The following MTA3 variants were observed in gnomAD, a reference collection of about 807,000 sequenced individuals.
MTA3 encodes the protein metastasis-associated protein MTA3.
Under a neutral mutation model 83.5 loss-of-function variants are expected in MTA3, and 34 were observed. The observed-to-expected ratio is 0.41, with a 90% CI of 0.31 to 0.54. MTA3 has a LOEUF of 0.54. Ranked by LOEUF, MTA3 falls within the 20% of genes least tolerant of loss-of-function variation. MTA3 has a pLI of 0.33. For synonymous variants in MTA3, 303 were observed against 252.7 expected, an observed-to-expected ratio of 1.20 and a Z score of -1.89; for missense variants, 761 against 726.4, an observed-to-expected ratio of 1.05 and a Z score of -0.55.
intron 16 of MTA3, among the ~76,000 whole-genome samples, chr2:42,751,424 C>G (rs1351694308): frequency 6.6e-6 from 1 of 152,218 alleles, no homozygotes; most frequent in Non-Finnish European, 1.5e-5. Flanking sequence ...GGGCTCTCTG[C>G]CTGTGCTACT....
intron 4 of MTA3, among the ~76,000 whole-genome samples, chr2:42,614,651 C>T (rs1481164275): frequency 2.0e-5 from 3 of 151,764 alleles, no homozygotes; most frequent in African/African-American, 7.3e-5. Context: ...ATATATAACT[C>T]GTGTAATATA....
intron 8 of MTA3, among the ~76,000 whole-genome samples, chr2:42,667,650 AG>A (rs1690402302): frequency 6.8e-6 from 1 of 146,778 alleles, no homozygotes; most frequent in Admixed American, 7.0e-5. Flanking sequence ...AGAGAGAGAG[AG>A]AGAGAGTCAG....
At chr2:42,522,132 C>A (rs1399126824) in intron 2 of MTA3, among the ~76,000 whole-genome samples, 2 of 152,160 alleles carry the variant, frequency 1.3e-5, no homozygotes, top group Non-Finnish European at 2.9e-5. Context: ...CTAACCTTTC[C>A]AGTTGTGTGA....
chr2:42,568,650 C>A lies in MTA3; in HGVS notation c.-96C>A. ...CCCCCCCGTGGCGAGGCAGCAGCGA[C>A]GGCGGCGGCGGCAGCGGCGGTCGCG... is the stretch of plus-strand genomic sequence containing the variant. On this transcript the variant is annotated 5_prime_UTR_variant, in exon 1 of 17. Transcript: ENST00000405094. 1 of 894,606 alleles carries A rather than the reference C, an allele frequency of 1.1e-6. No individual in the cohort carries two copies. The allele number at this position is 894,606 out of a possible 1,614,324, so 55.4% of individuals were successfully genotyped here.
At chr2:42,740,219 C>T (rs997669794) in intron 16 of MTA3, among the ~76,000 whole-genome samples, 1 of 152,214 alleles carries the variant, frequency 6.6e-6, no homozygotes, top group Non-Finnish European at 1.5e-5. Flanking sequence ...GAAAGTTAAA[C>T]TTATTCCTTG....
At chr2:42,571,293 G>A (rs996312118) in intron 2 of MTA3, among the ~76,000 whole-genome samples, 1 of 150,070 alleles carries the variant, frequency 6.7e-6, no homozygotes, top group Non-Finnish European at 1.5e-5. Context: ...CAGCTACTCA[G>A]GAGGCTGAGG....
chr2:42,587,174 C>T (rs542719922), intron 3 of MTA3, among the ~76,000 whole-genome samples: 252 of 151,976 alleles, frequency 1.7e-3, no homozygotes, highest in Middle Eastern at 0.01. Context: ...GCCTGGGTGA[C>T]ACAGTGAGAC....
rs776846040 is a variant in MTA3 at position 42,544,552 on chromosome 2, TC to T, written c.-140-25884del. Among the ~76,000 whole-genome samples, 523 of 148,516 alleles carry T rather than the reference TC, an allele frequency of 3.5e-3. 5 individuals are homozygous for T. The highest frequency in any genetic ancestry group is 8.8e-3 in the African/African-American group (355 of 40,358). ...CCAAAAATAACTTTTTTTTTTTTTT[TC>T]TTTGAGACAGGATCTTGCTCTGTCA... On this transcript the variant is annotated intron_variant, in intron 2 of 17. Transcript: ENST00000405592.
chr2:42,596,061 CTT>C (rs1416889128), intron 3 of MTA3, among the ~76,000 whole-genome samples: 1 of 152,132 alleles, frequency 6.6e-6, no homozygotes, highest in Non-Finnish European at 1.5e-5. Flanking sequence ...ATTTGAAAAA[CTT>C]TTTCTTATTT....
At chr2:42,567,165 GTTA>G (rs1302104120), upstream of MTA3, among the ~76,000 whole-genome samples, 1 of 152,156 alleles carries the variant, frequency 6.6e-6, no homozygotes, top group Non-Finnish European at 1.5e-5. Flanking sequence ...AGAGACACCT[GTTA>G]TTTGCATGGT....
chr2:42,639,263 T>A (rs1264203908), intron 4 of MTA3, among the ~76,000 whole-genome samples: 2 of 152,098 alleles, frequency 1.3e-5, no homozygotes, highest in African/African-American at 2.4e-5. Context: ...TGTGATATAT[T>A]TGTTTTTGCA....
intron 6 of MTA3, among the ~76,000 whole-genome samples, chr2:42,649,024 G>T (rs987119336): frequency 1.3e-5 from 2 of 152,108 alleles, no homozygotes; most frequent in Admixed American, 6.5e-5. Context: ...AGCAAATGAG[G>T]TAATTCTTGT....
At chr2:42,549,294 A>G (rs1284957742) in intron 2 of MTA3, among the ~76,000 whole-genome samples, 2 of 120,288 alleles carry the variant, frequency 1.7e-5, no homozygotes, top group African/African-American at 3.2e-5. Context: ...TATATAATGT[A>G]TATGTACACG....
intron 13 of MTA3, 104 bp downstream of exon 13, chr2:42,708,158 C>T: frequency 3.3e-6 from 4 of 1,195,654 alleles, no homozygotes; most frequent in Non-Finnish European, 4.5e-6. Context: ...ATGAAGAAAG[C>T]TACCTTTATA....
At chr2:42,660,279 G>C (rs1047267238) in intron 8 of MTA3, among the ~76,000 whole-genome samples, 5 of 151,894 alleles carry the variant, frequency 3.3e-5, no homozygotes, top group African/African-American at 7.3e-5. Context: ...GGTAGAGACG[G>C]GGTTTCACCA....
intron 2 of MTA3, among the ~76,000 whole-genome samples, chr2:42,548,134 T>G (rs930892908): frequency 1.3e-5 from 2 of 152,162 alleles, no homozygotes; most frequent in African/African-American, 4.8e-5. Flanking sequence ...TATCCGTGGT[T>G]TTGTTTTCTG....
At chr2:42,522,474 T>C (rs184127997) in intron 2 of MTA3, among the ~76,000 whole-genome samples, 12 of 152,084 alleles carry the variant, frequency 7.9e-5, no homozygotes, top group Admixed American at 7.9e-4. Context: ...CTTGACAGAA[T>C]TGGGGGACAC....
intron 16 of MTA3, among the ~76,000 whole-genome samples, chr2:42,747,629 T>A (rs1260540326): frequency 6.6e-6 from 1 of 151,404 alleles, no homozygotes; most frequent in Non-Finnish European, 1.5e-5. Context: ...CCCATAGTGC[T>A]TGTTACACTG....
At chr2:42,566,450 T>G (rs1677913819), upstream of MTA3, among the ~76,000 whole-genome samples, 1 of 152,172 alleles carries the variant, frequency 6.6e-6, no homozygotes, top group Admixed American at 6.5e-5. Flanking sequence ...GACATTGGCC[T>G]AGGAGCTGGA....
Sources: allele counts gnomAD v4.1 joint callset (sites outside exome capture counted in the v4.1 genomes callset), GRCh38; gene constraint gnomAD v4.1.1; transcripts MANE v1.5; gene names NCBI Gene and HGNC (gene_info 2026-07-23, HGNC 2026-07-21).